MRPL50: variants seen among roughly 807,000 people sequenced by gnomAD.
MRPL50 encodes the protein mitochondrial ribosomal protein L50.
MRPL50 carries 10 observed loss-of-function variants against 16.2 expected under a neutral mutation model. The ratio of observed to expected loss-of-function variants is 0.62; its 90% CI spans 0.38 to 1.05. The LOEUF is 1.05. Ranked by LOEUF, MRPL50 falls within the 50% of genes least tolerant of loss-of-function variation. The probability of loss-of-function intolerance (pLI) is 0.01; values close to 1 mark genes in which losing one functional copy is unlikely to be tolerated. For missense variants in MRPL50, 213 were observed against 187.1 expected, an observed-to-expected ratio of 1.14 and a Z score of -0.81; for synonymous variants, 68 against 66.8, an observed-to-expected ratio of 1.02 and a Z score of -0.09.
Position 101,390,686 on chromosome 9 carries a change from C to T in MRPL50, c.257G>A (p.Trp86Ter). The T allele has an allele frequency of 7.0e-7, 1 of 1,419,404 alleles. No individual in the cohort carries two copies. The allele number at this position is 1,419,404 out of a possible 1,614,324, so 87.9% of individuals were successfully genotyped here. The part of the protein sequence containing the change: ...EVFGSSLPSN[W>*]QDISLEDSRL... The stretch of plus-strand genomic sequence containing the variant: ...ACTATCTTCCAGGGAGATGTCTTGC[C>T]AATTACTAGGAAGAGATGAACCAAA... The change falls in exon 2 of 2, where the codon TGG becomes TAG. Residue 86 changes from tryptophan (W) to a stop codon, truncating the protein, a stop_gained. Transcript: ENST00000374865. LOFTEE classifies it high-confidence loss of function.
chr9:101,398,427 C>G, intron 1 of MRPL50, 74 bp downstream of exon 1: 5 of 1,401,310 alleles, frequency 3.6e-6, no homozygotes, highest in Non-Finnish European at 5.0e-6. Flanking sequence ...TGGCGTAACA[C>G]TCTATTTTGA....
Position 101,389,706 on chromosome 9 carries a change from T to C in MRPL50, c.*760A>G. On this transcript the variant is annotated 3_prime_UTR_variant, in exon 2 of 2. Transcript: ENST00000374865. ...AGTAATTTCCACAAATTGAGTGCAT[T>C]AAAGCACAAAGACTTGCCACTCTAG... The C allele has an allele frequency of 7.0e-6, 2 of 286,370 alleles. No homozygotes were observed. Among genetic ancestry groups the C allele is most frequent in the South Asian group, 6.6e-5 (2 of 30,306 alleles). The allele number at this position is 286,370 out of a possible 1,614,324, so 17.7% of individuals were successfully genotyped here.
chr9:101,396,333 T>A (rs1463446198), intron 1 of MRPL50, among the ~76,000 whole-genome samples: 1 of 152,202 alleles, frequency 6.6e-6, no homozygotes, highest in Admixed American at 6.5e-5. Context: ...GAAAGCAGTA[T>A]CTCAAAGAGA....
At chr9:101,393,990 C>CAAAAAAA (rs76598460) in intron 1 of MRPL50, among the ~76,000 whole-genome samples, 42 of 66,394 alleles carry the variant, frequency 6.3e-4, no homozygotes, top group Admixed American at 7.8e-4. Flanking sequence ...TAATGCTAAG[C>CAAAAAAA]AAAAAAAAAA....
At chr9:101,396,452 CTATATGTATATGTGTACCTATGTATGAA>C (rs1230254120) in intron 1 of MRPL50, among the ~76,000 whole-genome samples, 2 of 151,970 alleles carry the variant, frequency 1.3e-5, no homozygotes, top group Non-Finnish European at 2.9e-5. Flanking sequence ...ATAAGTGTGT[CTATATGTATATGTGTACCTATGTATGAA>C]TATATGTATA....
rs1830221646 is a variant in MRPL50, at chr9:101,387,863, C to T, written c.*2603G>A. ...AAAATTACATCATATGTCTGATTAT[C>T]TCATTAAACAAGTTAGCAAGCCTAA... On this transcript the variant is annotated 3_prime_UTR_variant, in exon 2 of 2. Coordinates refer to ENST00000374865, the MANE Select transcript of MRPL50 (RefSeq NM_019051.3). The T allele has an allele frequency of 6.6e-6, 1 of 152,020 alleles. No homozygotes were observed. The highest frequency in any genetic ancestry group is 1.5e-5 in the Non-Finnish European group (1 of 67,986). 9.4% of individuals were successfully genotyped at this position (152,020 alleles called of 1,614,324 possible). A position where few individuals can be genotyped will look rare whatever the true frequency, so the allele number is the denominator to read the frequency against.
chr9:101,396,303 G>A lies in MRPL50; in HGVS notation c.92+2198C>T, dbSNP rs190587547. Among the ~76,000 whole-genome samples, 400 of 152,018 alleles carry A rather than the reference G, an allele frequency of 2.6e-3. 4 individuals are homozygous for A. The highest frequency in any genetic ancestry group is 9.1e-3 in the African/African-American group (378 of 41,438). On this transcript the variant is annotated intron_variant, in intron 1 of 1. Transcript: ENST00000374865. ...CTAAGATCTAGCAATCTTACTACTCGGTATATATCCAAAGGAAATGAAAGC... is the reference window on the plus strand; with the variant it reads ...CTAAGATCTAGCAATCTTACTACTCAGTATATATCCAAAGGAAATGAAAGC...
chr9:101,398,070 C>A (rs1830385246), intron 1 of MRPL50, among the ~76,000 whole-genome samples: 1 of 152,128 alleles, frequency 6.6e-6, no homozygotes, highest in South Asian at 2.1e-4. Context: ...CCTAAGAAAT[C>A]TGTTGAATGA....
intron 1 of MRPL50, among the ~76,000 whole-genome samples, chr9:101,395,204 C>G (rs1371032048): frequency 6.6e-6 from 1 of 152,078 alleles, no homozygotes; most frequent in Non-Finnish European, 1.5e-5. Flanking sequence ...AAATGCAACT[C>G]AATAACACAA....
In MRPL50 at chr9:101,390,811, C is replaced by T; in HGVS notation, c.132G>A (p.Glu44=). ...GACACACTAGGATAGGTTCCTTTTT[C>T]TCTTCTACTGTCTCAACAACCACTG... ...KEPVVVETVE[E]KKEPILVCPP... is the part of the protein sequence containing the mutation. The change falls in exon 2 of 2, where the codon GAG becomes GAA. Residue 44 remains glutamate, a synonymous_variant. Transcript: ENST00000374865. 1 of 1,610,546 alleles carries T rather than the reference C, an allele frequency of 6.2e-7. No homozygotes were observed. Among genetic ancestry groups the T allele is most frequent in the South Asian group, 1.1e-5 (1 of 90,396 alleles).
At chr9:101,394,322 T>C (rs1830313201) in intron 1 of MRPL50, among the ~76,000 whole-genome samples, 1 of 152,226 alleles carries the variant, frequency 6.6e-6, no homozygotes, top group African/African-American at 2.4e-5. Context: ...AGGTCAGTGC[T>C]TGAGATATTT....
chr9:101,394,989 C>G (rs1457418919), intron 1 of MRPL50, among the ~76,000 whole-genome samples: 2 of 152,036 alleles, frequency 1.3e-5, no homozygotes, highest in Non-Finnish European at 2.9e-5. Flanking sequence ...ACAAAGTGAA[C>G]AGGCAACCTA....
chr9:101,391,841 G>C (rs1324462101), intron 1 of MRPL50, among the ~76,000 whole-genome samples: 1 of 152,022 alleles, frequency 6.6e-6, no homozygotes, highest in African/African-American at 2.4e-5. Flanking sequence ...GACACTTAGA[G>C]AACATTTCAC....
In MRPL50 at chr9:101,388,504, T is replaced by C. The variant is rs1830229115; in HGVS notation, c.*1962A>G. Reference sequence around the variant, plus strand: ...TCTTTTACACAGCAGAAGCAGGACATACAGCAGGCCTTCTGTATGTAAACC... The same window carrying C: ...TCTTTTACACAGCAGAAGCAGGACACACAGCAGGCCTTCTGTATGTAAACC... On this transcript the variant is annotated 3_prime_UTR_variant, in exon 2 of 2. Transcript: ENST00000374865. 1 of 152,128 alleles carries C rather than the reference T, an allele frequency of 6.6e-6. No individual in the cohort carries two copies. Among genetic ancestry groups the C allele is most frequent in the Admixed American group, 6.6e-5 (1 of 15,256 alleles). 9.4% of individuals were successfully genotyped at this position (152,128 alleles called of 1,614,324 possible).
At chr9:101,392,472 AC>A (rs1246720293) in intron 1 of MRPL50, among the ~76,000 whole-genome samples, 1 of 152,086 alleles carries the variant, frequency 6.6e-6, no homozygotes, top group Admixed American at 6.6e-5. Flanking sequence ...CACTGATATC[AC>A]AAAAATTTAA....
intron 1 of MRPL50, among the ~76,000 whole-genome samples, chr9:101,396,959 A>C (rs1462567190): frequency 6.6e-6 from 1 of 152,148 alleles, no homozygotes; most frequent in Non-Finnish European, 1.5e-5. Flanking sequence ...ACAAAAAAAA[A>C]GTCAAATTCA....
intron 1 of MRPL50, among the ~76,000 whole-genome samples, chr9:101,396,194 G>A (rs186225610): frequency 7.2e-5 from 11 of 152,266 alleles, no homozygotes; most frequent in African/African-American, 2.6e-4. Flanking sequence ...ATATGCTGCT[G>A]GTGGGAATGA....
At chr9:101,394,004 A>AG (rs1420244539) in intron 1 of MRPL50, among the ~76,000 whole-genome samples, 1 of 150,108 alleles carries the variant, frequency 6.7e-6, no homozygotes, top group Non-Finnish European at 1.5e-5. Context: ...AAAAAAAAAA[A>AG]AAAAAAAAGA....
chr9:101,391,294 A>G (rs1289581592), intron 1 of MRPL50, among the ~76,000 whole-genome samples: 1 of 152,070 alleles, frequency 6.6e-6, no homozygotes, highest in East Asian at 1.9e-4. Context: ...ATCTTCACCT[A>G]TGGAAATCTT....
Sources: allele counts gnomAD v4.1 joint callset (sites outside exome capture counted in the v4.1 genomes callset), GRCh38; gene constraint gnomAD v4.1.1; transcripts MANE v1.5; gene names NCBI Gene and HGNC (gene_info 2026-07-23, HGNC 2026-07-21).